The following RALGAPA1 variants were observed in gnomAD, a reference collection of about 807,000 sequenced individuals.
RALGAPA1 encodes the protein Ral GTPase activating protein catalytic subunit alpha 1.
A neutral mutation model predicts 269.6 loss-of-function variants in RALGAPA1; 52 were observed. That is an observed-to-expected ratio of 0.19 (90% confidence interval 0.15 to 0.24). The LOEUF is 0.24. Among genes scored for constraint, RALGAPA1 ranks in the 10% least tolerant of loss-of-function variants. The pLI is 1.00. For missense variants in RALGAPA1, 1,917 were observed against 3,013.9 expected, an observed-to-expected ratio of 0.64 and a Z score of 8.52; for synonymous variants, 817 against 1,008.3, an observed-to-expected ratio of 0.81 and a Z score of 3.60.
chr14:35,660,355 TAACA>T (rs2063458581), intron 27 of RALGAPA1, among the ~76,000 whole-genome samples: 3 of 152,136 alleles, frequency 2.0e-5, no homozygotes, highest in Non-Finnish European at 4.4e-5. Context: ...TTCTATACAC[TAACA>T]GTGAACTATC....
chr14:35,777,796 G>A (rs1054237166), intron 1 of RALGAPA1, among the ~76,000 whole-genome samples: 22 of 152,040 alleles, frequency 1.4e-4, no homozygotes, highest in Non-Finnish European at 2.2e-4. Flanking sequence ...TGATCCGCCC[G>A]CCTCAGTCTC....
intron 31 of RALGAPA1, among the ~76,000 whole-genome samples, chr14:35,641,784 C>T (rs773744432): frequency 7.2e-5 from 11 of 152,014 alleles, no homozygotes; most frequent in Non-Finnish European, 1.3e-4. Context: ...AGACCCAAAA[C>T]AGTCAAAGCT....
chr14:35,621,228 C>G (rs2139489062), intron 35 of RALGAPA1, among the ~76,000 whole-genome samples: 1 of 152,282 alleles, frequency 6.6e-6, no homozygotes, highest in Middle Eastern at 3.4e-3. Flanking sequence ...ACCATCTAAT[C>G]TTTGACAAAC....
intron 31 of RALGAPA1, among the ~76,000 whole-genome samples, chr14:35,641,527 G>T (rs1408956468): frequency 2.0e-5 from 3 of 152,044 alleles, no homozygotes; most frequent in African/African-American, 7.2e-5. Flanking sequence ...AAATAGTTCG[G>T]AATTAATCTA....
chr14:35,617,478 C>T (rs1039931218), intron 35 of RALGAPA1, among the ~76,000 whole-genome samples: 8 of 151,938 alleles, frequency 5.3e-5, no homozygotes, highest in Non-Finnish European at 1.0e-4. Flanking sequence ...ATTAGCTGGG[C>T]GTGGTGGCGC....
chr14:35,715,119 C>T (rs1056618954), intron 16 of RALGAPA1, among the ~76,000 whole-genome samples: 5 of 152,120 alleles, frequency 3.3e-5, no homozygotes, highest in African/African-American at 1.2e-4. Flanking sequence ...AGACTCATAG[C>T]TTTAATAAAT....
intron 31 of RALGAPA1, among the ~76,000 whole-genome samples, chr14:35,644,753 G>C (rs968713680): frequency 1.3e-5 from 2 of 152,106 alleles, no homozygotes; most frequent in Non-Finnish European, 2.9e-5. Context: ...GGAGGTGTCA[G>C]ACTGGGGCCT....
chr14:35,657,092 C>A (rs749078815), intron 28 of RALGAPA1, among the ~76,000 whole-genome samples: 3 of 152,064 alleles, frequency 2.0e-5, no homozygotes, highest in Non-Finnish European at 4.4e-5. Context: ...CCCCCCTCCA[C>A]AAGATGTCAA....
At chr14:35,663,216 C>A (rs547019759) in intron 27 of RALGAPA1, among the ~76,000 whole-genome samples, 1 of 151,974 alleles carries the variant, frequency 6.6e-6, no homozygotes, top group African/African-American at 2.4e-5. Flanking sequence ...TGAGTATATA[C>A]CAGGTATCAA....
At chr14:35,587,524 G>A (rs1198434057) in intron 37 of RALGAPA1, among the ~76,000 whole-genome samples, 1 of 152,112 alleles carries the variant, frequency 6.6e-6, no homozygotes, top group Non-Finnish European at 1.5e-5. Context: ...ATACACCATG[G>A]AATACTATGC....
At chr14:35,612,519 A>G (rs1380838908) in intron 35 of RALGAPA1, among the ~76,000 whole-genome samples, 1 of 149,162 alleles carries the variant, frequency 6.7e-6, no homozygotes, top group Non-Finnish European at 1.5e-5. Flanking sequence ...ACATTAGGCG[A>G]GGTCTTCTTC....
chr14:35,758,799 GA>G, intron 6 of RALGAPA1, among the ~76,000 whole-genome samples: 1 of 151,968 alleles, frequency 6.6e-6, no homozygotes, highest in East Asian at 1.9e-4. Flanking sequence ...GAGAGGCAGA[GA>G]AAAAAAATGC....
chr14:35,705,870 T>C (rs1407964484), intron 16 of RALGAPA1, among the ~76,000 whole-genome samples: 1 of 152,228 alleles, frequency 6.6e-6, no homozygotes, highest in East Asian at 1.9e-4. Flanking sequence ...AGTGGTATCT[T>C]GTCTTAATTT....
intron 35 of RALGAPA1, among the ~76,000 whole-genome samples, chr14:35,613,727 G>C (rs997771091): frequency 6.6e-6 from 1 of 152,156 alleles, no homozygotes; most frequent in African/African-American, 2.4e-5. Context: ...AAGGACACAA[G>C]TAATCAGATT....
intron 1 of RALGAPA1, among the ~76,000 whole-genome samples, 168 bp downstream of exon 1, chr14:35,808,562 T>C (rs1343172963): frequency 6.6e-6 from 1 of 152,216 alleles, no homozygotes; most frequent in African/African-American, 2.4e-5. Context: ...TGCTGCCAAC[T>C]GCCAAGTTTT....
intron 39 of RALGAPA1, 53 bp downstream of exon 39, chr14:35,570,563 CT>C (rs2057104738): frequency 7.2e-7 from 1 of 1,386,216 alleles, no homozygotes; most frequent in Admixed American, 2.5e-5. Context: ...AAATATTTAC[CT>C]TTGTGAGTAG....
At chr14:35,751,809 C>CAA (rs758896675) in intron 8 of RALGAPA1, among the ~76,000 whole-genome samples, 10 of 108,142 alleles carry the variant, frequency 9.2e-5, no homozygotes, top group African/African-American at 2.5e-4. Flanking sequence ...ACAACAACAA[C>CAA]AACAAAAAAA....
At chr14:35,780,061 C>T (rs1230220800) in intron 1 of RALGAPA1, among the ~76,000 whole-genome samples, 14 of 151,180 alleles carry the variant, frequency 9.3e-5, no homozygotes, top group Non-Finnish European at 1.6e-4. Context: ...GAGTCAAGAT[C>T]GCATCACTGC....
intron 39 of RALGAPA1, among the ~76,000 whole-genome samples, chr14:35,567,002 T>C (rs1335399815): frequency 1.3e-5 from 2 of 151,610 alleles, no homozygotes; most frequent in Non-Finnish European, 2.9e-5. Context: ...ACTAGGTATA[T>C]ATACTACACT....
Sources: gnomAD v4.1 joint callset for allele counts (sites outside exome capture counted in the v4.1 genomes callset) on GRCh38, gnomAD v4.1.1 for gene constraint, MANE v1.5 for transcripts, NCBI Gene and HGNC (gene_info 2026-07-23, HGNC 2026-07-21) for gene names.